VAMP5: variants seen among roughly 807,000 people sequenced by gnomAD.
The protein encoded by VAMP5 is vesicle associated membrane protein 5, also known as vesicle-associated membrane protein 5.
Under a neutral mutation model 8.1 loss-of-function variants are expected in VAMP5, and 10 were observed. That is an observed-to-expected ratio of 1.23 (90% CI 0.76 to 2.09). The LOEUF (loss-of-function observed/expected upper bound fraction) is 2.09. Among genes scored for constraint, VAMP5 ranks in the 30% most tolerant of loss-of-function variants. VAMP5 has a pLI of 0.00. For synonymous variants in VAMP5, 62 were observed against 60.6 expected (o/e 1.02, Z -0.11); for missense variants, 135 against 152.5 (o/e 0.89, Z 0.60).
chr2:85,584,572 T>C, intron 1 of VAMP5, 79 bp downstream of exon 1: 1 of 1,230,636 alleles, frequency 8.1e-7, no homozygotes, highest in Non-Finnish European at 1.0e-6. Flanking sequence ...GAGTCCAAAG[T>C]CCGCGGGCTG....
rs186540591 is a variant in VAMP5, at chr2:85,586,156, T to C, written c.3+1663T>C. On this transcript the variant is annotated intron_variant, in intron 1 of 2. Coordinates refer to ENST00000306384, the MANE Select transcript of VAMP5 (RefSeq NM_006634.3). The stretch of plus-strand genomic sequence containing the variant: ...TGTCTGACCTCCTTGTACCTGCATC[T>C]AATTTAGCACACGGGTTACAAATGT... 1.3e-4 allele frequency among the ~76,000 whole-genome samples: 20 copies of C among 152,352 alleles called. No homozygotes were observed. In the East Asian group the frequency reaches 3.9e-3, roughly 29 times the overall value.
At chr2:85,585,309 C>CT (rs1000186252) in intron 1 of VAMP5, among the ~76,000 whole-genome samples, 4 of 152,234 alleles carry the variant, frequency 2.6e-5, no homozygotes, top group Admixed American at 2.6e-4. Context: ...CAGTTTCTCC[C>CT]TTTCCCTAGG....
intron 1 of VAMP5, among the ~76,000 whole-genome samples, chr2:85,590,728 G>C (rs75088849): frequency 0.013 from 2,036 of 152,268 alleles, 41 homozygotes; most frequent in African/African-American, 0.047. Context: ...AGAGGAAGGA[G>C]TTTCTGTGGT....
rs375145374 is a variant in VAMP5 at position 85,592,800 on chromosome 2, C to CAAA, written c.142-134_142-132dup. 1.0e-3 allele frequency: 535 copies of CAAA among 513,572 alleles called. 1 individual carries two copies. Among genetic ancestry groups the CAAA allele is most frequent in the African/African-American group, 2.9e-3 (99 of 34,156 alleles). 31.8% of individuals were successfully genotyped at this position (513,572 alleles called of 1,614,324 possible). On this transcript the variant is annotated intron_variant, in intron 2 of 2. Coordinates refer to ENST00000306384, the MANE Select transcript of VAMP5 (RefSeq NM_006634.3). The stretch of plus-strand genomic sequence containing the variant: ...TGGGTGACAGGGAGAGACTCCTTCT[C>CAAA]AAAAAAAAAAAAAAAAGAAAGAAAG...
intron 1 of VAMP5, 93 bp from the exon 2 acceptor site, chr2:85,591,632 C>T (rs1672538361): frequency 6.4e-7 from 1 of 1,574,622 alleles, no homozygotes. Flanking sequence ...GCTGTACCCA[C>T]CTACAGGGGG....
At chr2:85,590,661 T>C (rs1184834701) in intron 1 of VAMP5, among the ~76,000 whole-genome samples, 1 of 152,180 alleles carries the variant, frequency 6.6e-6, no homozygotes, top group Non-Finnish European at 1.5e-5. Flanking sequence ...GAAAAGAAGC[T>C]TGCCCTTCTT....
At chr2:85,591,599 A>C in intron 1 of VAMP5, 126 bp from the exon 2 acceptor site, 1 of 1,418,096 alleles carries the variant, frequency 7.1e-7, no homozygotes, top group Non-Finnish European at 9.6e-7. Context: ...ATACCCTTAC[A>C]CGAAGGATGC....
Position 85,593,266 on chromosome 2 carries a change from C to T in VAMP5, c.*109C>T. Reference sequence around the variant, plus strand: ...ACCCACCCCAGTGAGTGCCAAAGGGCAGCCCCAACATGTGCACCCCTGCAT... The same window carrying T: ...ACCCACCCCAGTGAGTGCCAAAGGGTAGCCCCAACATGTGCACCCCTGCAT... On this transcript the variant is annotated 3_prime_UTR_variant, in exon 3 of 3. Coordinates refer to ENST00000306384, the MANE Select transcript of VAMP5 (RefSeq NM_006634.3). 1 of 1,170,828 alleles carries T rather than the reference C, an allele frequency of 8.5e-7. No individual in the cohort carries two copies. Among genetic ancestry groups the T allele is most frequent in the Non-Finnish European group, 1.2e-6 (1 of 815,328 alleles). 72.5% of individuals were successfully genotyped at this position (1,170,828 alleles called of 1,614,324 possible).
At chr2:85,592,892 T>G in intron 2 of VAMP5, 56 bp from the exon 3 acceptor site, 3 of 1,595,180 alleles carry the variant, frequency 1.9e-6, no homozygotes, top group Non-Finnish European at 2.6e-6. Context: ...AGGAGCTGGC[T>G]CCCAGGCCAA....
chr2:85,593,103 C>T lies in VAMP5; in HGVS notation c.297C>T (p.Ser99=). The change falls in exon 3 of 3, where the codon AGC becomes AGT. Residue 99 remains serine, a synonymous_variant. Coordinates refer to ENST00000306384, the MANE Select transcript of VAMP5 (RefSeq NM_006634.3). ...TCTTTCTCCCTCAGAGCAGTGACAG[C>T]AGTAGTGCCCCACGGACCCAGGATG... ...LVVFLPQSSD[S]SSAPRTQDAG... is the part of the protein sequence containing the mutation. The T allele has an allele frequency of 2.5e-6, 4 of 1,614,228 alleles. No individual in the cohort carries two copies. The highest frequency in any genetic ancestry group is 3.4e-6 in the Non-Finnish European group (4 of 1,180,042).
rs569783222 is a variant in VAMP5, at chr2:85,584,547, G to A, written c.3+54G>A. ...CTGCGACGGGCAGAGGGCGAGTGGC[G>A]AGGGTGGGAGAGAGGAGTCCAAAGT... On this transcript the variant is annotated intron_variant, in intron 1 of 2. Coordinates refer to ENST00000306384, the MANE Select transcript of VAMP5 (RefSeq NM_006634.3). The A allele has an allele frequency of 2.7e-4, 339 of 1,233,252 alleles. 1 individual carries two copies. In the African/African-American group the frequency reaches 4.7e-3, roughly 17 times the overall value. 76.4% of individuals were successfully genotyped at this position (1,233,252 alleles called of 1,614,324 possible).
intron 1 of VAMP5, among the ~76,000 whole-genome samples, chr2:85,588,808 A>G (rs1356664878): frequency 2.6e-5 from 4 of 151,814 alleles, no homozygotes; most frequent in African/African-American, 7.3e-5. Context: ...GTGTATCCCT[A>G]TCTCTCAGTG....
Position 85,593,176 on chromosome 2 carries a change from A to C in VAMP5, c.*19A>C. On this transcript the variant is annotated 3_prime_UTR_variant, in exon 3 of 3. Transcript: ENST00000306384. ...GAACTGACCCAGCTGGTCCTGAAGG[A>C]GAAGCCAAATGGCTGCACTGGCCGA... is the stretch of plus-strand genomic sequence containing the variant. The C allele has an allele frequency of 6.2e-7, 1 of 1,613,690 alleles. No individual in the cohort carries two copies. Among genetic ancestry groups the C allele is most frequent in the East Asian group, 2.2e-5 (1 of 44,872 alleles).
rs775456048 is a variant in VAMP5, at chr2:85,591,813, G to T, written c.92G>T (p.Gly31Val). 3.1e-6 allele frequency: 5 copies of T among 1,614,078 alleles called. No homozygotes were observed. The African/African-American group carries it at 6.7e-5, about 22-fold the overall frequency. The change falls in exon 2 of 3, where the codon GGT (glycine) becomes GTT (valine). Residue 31 changes from glycine (G) to valine (V), a missense_variant. Physicochemically the swap from Gly to Val is moderately radical, Grantham distance 109. Transcript: ENST00000306384. ...RNNFGKVLER[G>V]VKLAELQQRS... Reference sequence around the variant, plus strand: ...AACTTCGGCAAGGTCCTGGAGCGTGGTGTGAAGCTGGCCGAACTGCAGCAG... The same window carrying T: ...AACTTCGGCAAGGTCCTGGAGCGTGTTGTGAAGCTGGCCGAACTGCAGCAG...
chr2:85,586,991 C>T (rs1200140490), intron 1 of VAMP5, among the ~76,000 whole-genome samples: 2 of 151,722 alleles, frequency 1.3e-5, no homozygotes, highest in Non-Finnish European at 2.9e-5. Context: ...AGGAGAATGG[C>T]GTGAACCCAG....
At chr2:85,591,233 T>C (rs1672534170) in intron 1 of VAMP5, among the ~76,000 whole-genome samples, 1 of 152,230 alleles carries the variant, frequency 6.6e-6, no homozygotes, top group Non-Finnish European at 1.5e-5. Context: ...CTATGATGTG[T>C]GCTGCTTCAA....
At chr2:85,592,068 A>T (rs1672549285) in intron 2 of VAMP5, among the ~76,000 whole-genome samples, 1 of 152,084 alleles carries the variant, frequency 6.6e-6, no homozygotes, top group African/African-American at 2.4e-5. Context: ...GAAGCTGTGG[A>T]CCTTCTTAAA....
chr2:85,590,432 T>C (rs114917984), intron 1 of VAMP5, among the ~76,000 whole-genome samples: 9,527 of 152,182 alleles, frequency 0.063, 429 homozygotes, highest in African/African-American at 0.13. Flanking sequence ...CTCTGGGAGT[T>C]TGTGGTCCAG....
At chr2:85,591,685 G>A in intron 1 of VAMP5, 40 bp from the exon 2 acceptor site, 1 of 1,613,244 alleles carries the variant, frequency 6.2e-7, no homozygotes, top group Non-Finnish European at 8.5e-7. Context: ...AGGGCCAGGT[G>A]GGGGCCTCAT....
Sources: allele counts gnomAD v4.1 joint callset (sites outside exome capture counted in the v4.1 genomes callset), GRCh38; gene constraint gnomAD v4.1.1; transcripts MANE v1.5; gene names NCBI Gene and HGNC (gene_info 2026-07-23, HGNC 2026-07-21).